The following ITGA11 variants were observed in gnomAD, a reference collection of about 807,000 sequenced individuals.
ITGA11 encodes integrin subunit alpha 11, also known as integrin alpha-11.
Under a neutral mutation model 141.9 loss-of-function variants are expected in ITGA11, and 97 were observed. The observed-to-expected ratio is 0.68, with a 90% CI of 0.58 to 0.81. The LOEUF is 0.81. Among genes scored for constraint, ITGA11 ranks in the 30% least tolerant of loss-of-function variants. ITGA11 has a pLI of 0.00. For missense variants in ITGA11, 1,387 were observed against 1,559.2 expected (o/e 0.89, Z 1.86); for synonymous variants, 658 against 624.6 (o/e 1.05, Z -0.80).
intron 1 of ITGA11, among the ~76,000 whole-genome samples, chr15:68,417,095 C>T (rs1000441025): frequency 2.0e-5 from 3 of 152,044 alleles, no homozygotes; most frequent in African/African-American, 2.4e-5. Flanking sequence ...CAACATGGCC[C>T]GAGCTCCTGA....
In ITGA11 at chr15:68,298,297, G is replaced by C. The variant is rs1892950278; in HGVS notation, c.*4762C>G. The C allele has an allele frequency of 6.6e-6, 1 of 152,188 alleles. No individual in the cohort carries two copies. The highest frequency in any genetic ancestry group is 1.5e-5 in the Non-Finnish European group (1 of 68,040). 9.4% of individuals were successfully genotyped at this position (152,188 alleles called of 1,614,324 possible). On this transcript the variant is annotated 3_prime_UTR_variant, in exon 30 of 30. Coordinates refer to ENST00000315757, the MANE Select transcript of ITGA11 (RefSeq NM_001004439.2). ...GAAATTTGGTGTGCTCAGTCCATCA[G>C]AGGGGCGGACTGGGGTTTTGCTTTT...
chr15:68,426,591 G>C (rs947160500), intron 1 of ITGA11, among the ~76,000 whole-genome samples: 1 of 152,178 alleles, frequency 6.6e-6, no homozygotes, highest in Admixed American at 6.5e-5. Flanking sequence ...CCCTGTGGGG[G>C]TAGCTGTTTG....
chr15:68,343,663 T>C (rs887274779), intron 10 of ITGA11, among the ~76,000 whole-genome samples: 1 of 152,162 alleles, frequency 6.6e-6, no homozygotes, highest in Non-Finnish European at 1.5e-5. Context: ...ACACCGAGGC[T>C]GTCCTCCCCC....
At position 68,297,473 on chromosome 15, in the gene ITGA11, C is replaced by T. The variant is rs1595843806; in HGVS notation, c.*5586G>A. 9.9e-5 allele frequency: 10 copies of T among 101,444 alleles called. No homozygotes were observed. Among genetic ancestry groups the T allele is most frequent in the South Asian group, 7.6e-4 (2 of 2,646 alleles). 6.3% of individuals were successfully genotyped at this position (101,444 alleles called of 1,614,324 possible). On this transcript the variant is annotated 3_prime_UTR_variant, in exon 30 of 30. Coordinates refer to ENST00000315757, the MANE Select transcript of ITGA11 (RefSeq NM_001004439.2). ...TTTTTTATCCAAAAGAAAGCTATGTCTGGTTAGGTAAATCATACACCTGTA... is the reference window on the plus strand; with the variant it reads ...TTTTTTATCCAAAAGAAAGCTATGTTTGGTTAGGTAAATCATACACCTGTA...
intron 1 of ITGA11, among the ~76,000 whole-genome samples, chr15:68,403,816 TTAG>T (rs1420262223): frequency 2.0e-5 from 3 of 152,078 alleles, no homozygotes; most frequent in Admixed American, 6.6e-5. Context: ...TATTTATTTT[TTAG>T]TAGAGACAGG....
At chr15:68,356,822 C>G (rs1261115077) in intron 7 of ITGA11, among the ~76,000 whole-genome samples, 1 of 152,148 alleles carries the variant, frequency 6.6e-6, no homozygotes, top group African/African-American at 2.4e-5. Flanking sequence ...CTCCTGTTGC[C>G]ATGCCACAAG....
At chr15:68,350,839 A>ACAC (rs1894886547) in intron 8 of ITGA11, 57 bp from the exon 9 acceptor site, 1 of 1,556,994 alleles carries the variant, frequency 6.4e-7, no homozygotes, top group African/African-American at 1.4e-5. Flanking sequence ...ACTTTCCCAT[A>ACAC]CACCACACGG....
chr15:68,332,038 G>A lies in ITGA11; in HGVS notation c.1591C>T (p.Leu531=). 1 of 1,607,360 alleles carries A rather than the reference G, an allele frequency of 6.2e-7. No homozygotes were observed. The highest frequency in any genetic ancestry group is 8.5e-7 in the Non-Finnish European group (1 of 1,176,870). The change falls in exon 14 of 30, where the codon CTA becomes TTA. Residue 531 remains leucine, a synonymous_variant. Coordinates refer to ENST00000315757, the MANE Select transcript of ITGA11 (RefSeq NM_001004439.2). ...RQNLFVYNGT[L]KDSHSYQNAR... ...TTCTGGTAACTGTGTGAATCCTTTA[G>A]CGTTCCGTTATAAACAAACAGGTTC...
At chr15:68,370,314 C>T (rs893782770) in intron 2 of ITGA11, among the ~76,000 whole-genome samples, 16 of 152,304 alleles carry the variant, frequency 1.1e-4, no homozygotes, top group African/African-American at 3.4e-4. Context: ...CCCCGGTGGC[C>T]GTGCCCTGGA....
intron 2 of ITGA11, among the ~76,000 whole-genome samples, chr15:68,389,049 T>G (rs533913499): frequency 5.9e-5 from 9 of 152,242 alleles, no homozygotes; most frequent in African/African-American, 1.2e-4. Flanking sequence ...TGCTGTCCCC[T>G]CCATCTCTGT....
chr15:68,311,227 G>A (rs1055086567), intron 25 of ITGA11, 63 bp downstream of exon 25: 10 of 1,303,834 alleles, frequency 7.7e-6, no homozygotes, highest in Non-Finnish European at 9.8e-6. Flanking sequence ...GGGGACACAC[G>A]TAGGGGGAGT....
intron 2 of ITGA11, among the ~76,000 whole-genome samples, chr15:68,394,972 T>C (rs1896197279): frequency 2.0e-5 from 3 of 152,162 alleles, no homozygotes; most frequent in Admixed American, 1.3e-4. Flanking sequence ...GCATGATCGA[T>C]GCAGAAGACG....
chr15:68,303,880 C>T lies in ITGA11; in HGVS notation c.3387G>A (p.Val1129=), dbSNP rs757056428. The change falls in exon 29 of 30, where the codon GTG becomes GTA. Residue 1129 remains valine, a synonymous_variant. Coordinates refer to ENST00000315757, the MANE Select transcript of ITGA11 (RefSeq NM_001004439.2). The surrounding 1 kb of genome is among the most constrained non-coding windows in gnomAD (Gnocchi z 5.3). ...AGTCCTCTTGCTTGGAGATCTCAAA[C>T]ACGATCTGCAAGGGGAGGGGGGCCG... ...FREEDPSRQI[V]FEISKQEDWQ... The T allele has an allele frequency of 6.2e-7, 1 of 1,607,370 alleles. No individual in the cohort carries two copies. The highest frequency in any genetic ancestry group is 1.7e-5 in the Admixed American group (1 of 59,834).
At chr15:68,312,923 T>G (rs1430053718) in intron 23 of ITGA11, 60 bp from the exon 24 acceptor site, 2 of 1,252,334 alleles carry the variant, frequency 1.6e-6, no homozygotes, top group Non-Finnish European at 2.3e-6. Flanking sequence ...GATGGACAGA[T>G]GAATGAAAGA....
intron 21 of ITGA11, 79 bp downstream of exon 21, chr15:68,317,186 G>A (rs1224708589): frequency 1.0e-6 from 1 of 976,568 alleles, no homozygotes; most frequent in East Asian, 2.4e-5. Flanking sequence ...CACTCTTGTT[G>A]CTCTTGCCGC....
intron 1 of ITGA11, among the ~76,000 whole-genome samples, chr15:68,430,025 A>G (rs1475095095): frequency 4.6e-5 from 7 of 152,160 alleles, no homozygotes; most frequent in Non-Finnish European, 1.0e-4. Flanking sequence ...AGTTACAGGC[A>G]GGACCCAGAT....
intron 5 of ITGA11, 38 bp from the exon 6 acceptor site, chr15:68,358,623 C>G (rs371902650): frequency 1.2e-5 from 19 of 1,586,714 alleles, no homozygotes; most frequent in Admixed American, 1.8e-5. Flanking sequence ...ACCCAAGGAG[C>G]AGTGTCTGCG....
intron 22 of ITGA11, among the ~76,000 whole-genome samples, chr15:68,315,172 G>C (rs376240978): frequency 4.1e-4 from 63 of 152,304 alleles, no homozygotes; most frequent in African/African-American, 1.4e-3. Flanking sequence ...TGGGGAATAG[G>C]ACGAGTAGTG....
intron 2 of ITGA11, among the ~76,000 whole-genome samples, chr15:68,393,563 C>T (rs183870124): frequency 1.6e-4 from 25 of 152,246 alleles, no homozygotes; most frequent in African/African-American, 5.8e-4. Context: ...AATGGAATGA[C>T]ATTTTAAAGT....
Sources: gnomAD v4.1 joint callset for allele counts (sites outside exome capture counted in the v4.1 genomes callset) on GRCh38, gnomAD v4.1.1 for gene constraint, Gnocchi (gnomAD v3.1) non-coding constraint, MANE v1.5 for transcripts, NCBI Gene and HGNC (gene_info 2026-07-23, HGNC 2026-07-21) for gene names.